Variants in ROR1 observed in about 807,000 individuals in gnomAD.
ROR1 encodes the protein ROR family WNT receptor 1, also known as inactive tyrosine-protein kinase transmembrane receptor ROR1.
Under a neutral mutation model 78.8 loss-of-function variants are expected in ROR1, and 19 were observed. The ratio of observed to expected loss-of-function variants is 0.24; its 90% confidence interval spans 0.17 to 0.35. The LOEUF is 0.35. Among genes scored for constraint, ROR1 ranks in the 10% least tolerant of loss-of-function variants. ROR1 has a pLI of 1.00. For synonymous variants in ROR1, 386 were observed against 433.6 expected, an observed-to-expected ratio of 0.89 and a Z score of 1.36; for missense variants, 917 against 1,177.8, an observed-to-expected ratio of 0.78 and a Z score of 3.24.
intron 2 of ROR1, among the ~76,000 whole-genome samples, chr1:64,017,097 G>A (rs1646527324): frequency 6.6e-6 from 1 of 151,956 alleles, no homozygotes; most frequent in South Asian, 2.1e-4. Context: ...TTTAGAGACG[G>A]GGTCTCACCA....
At chr1:63,934,819 T>C (rs1303607546) in intron 1 of ROR1, among the ~76,000 whole-genome samples, 4 of 152,162 alleles carry the variant, frequency 2.6e-5, no homozygotes, top group African/African-American at 4.8e-5. Flanking sequence ...TGGGGTCAAA[T>C]TGGCCTTTCA....
chr1:64,143,162 T>C, intron 7 of ROR1: 1 of 989,704 alleles, frequency 1.0e-6, no homozygotes. Context: ...TATAGGTATC[T>C]AGTAAGAAAA....
chr1:63,780,590 T>G (rs1253567146), intron 1 of ROR1, among the ~76,000 whole-genome samples: 1 of 152,192 alleles, frequency 6.6e-6, no homozygotes, highest in Admixed American at 6.6e-5. Context: ...ACGATGGTCC[T>G]GCTGCAAGGT....
chr1:64,111,952 C>T (rs1473716418), intron 4 of ROR1: 1 of 152,196 alleles, frequency 6.6e-6, no homozygotes. Flanking sequence ...TTACATTCCA[C>T]AAACTAGTCA....
intron 1 of ROR1, chr1:63,775,182 C>G (rs1324690724): frequency 6.6e-6 from 1 of 152,078 alleles, no homozygotes; most frequent in African/African-American, 2.4e-5. Context: ...CACGCGCGCG[C>G]GCGCGCGTGT....
At chr1:63,918,020 A>G (rs1018361826) in intron 1 of ROR1, among the ~76,000 whole-genome samples, 11 of 152,148 alleles carry the variant, frequency 7.2e-5, no homozygotes, top group African/African-American at 2.7e-4. Context: ...TGTTGTTCCA[A>G]AGTGAGGAGT....
chr1:63,926,296 C>G lies in ROR1; in HGVS notation c.92-83009C>G, dbSNP rs1183256514. 2.7e-5 allele frequency among the ~76,000 whole-genome samples: 4 copies of G among 150,214 alleles called. No individual in the cohort carries two copies. In the East Asian group the frequency reaches 6.0e-4, roughly 23 times the overall value. On this transcript the variant is annotated intron_variant, in intron 1 of 8. Transcript: ENST00000371079. ...AATCCTTTCCCCATTGCTTGTTTTT[C>G]TCAGGTTTGTCAAAGATCAGATAGT...
chr1:64,091,475 A>G (rs1170919874), intron 4 of ROR1, among the ~76,000 whole-genome samples: 1 of 152,158 alleles, frequency 6.6e-6, no homozygotes, highest in Non-Finnish European at 1.5e-5. Context: ...GCTGATGTAG[A>G]GGAAAAAGAA....
intron 2 of ROR1, among the ~76,000 whole-genome samples, chr1:64,013,560 A>G (rs1462413711): frequency 6.6e-6 from 1 of 152,078 alleles, no homozygotes. Context: ...TTACTTAAGC[A>G]CACCTTGAAC....
intron 1 of ROR1, among the ~76,000 whole-genome samples, chr1:63,889,034 C>T (rs900928451): frequency 5.3e-5 from 8 of 152,100 alleles, no homozygotes; most frequent in Non-Finnish European, 8.8e-5. Context: ...TCTCTAAAGG[C>T]CTGACCAGGG....
intron 1 of ROR1, among the ~76,000 whole-genome samples, chr1:63,824,458 A>G (rs1409689384): frequency 6.6e-6 from 1 of 152,104 alleles, no homozygotes; most frequent in Non-Finnish European, 1.5e-5. Context: ...TTTAAAAACC[A>G]TTCTTAAGTT....
Position 64,142,543 on chromosome 1 carries a change from A to G in ROR1, c.1067A>G (p.Asn356Ser), listed in dbSNP as rs1649352167. The G allele has an allele frequency of 1.2e-6, 2 of 1,614,166 alleles. No homozygotes were observed. Among genetic ancestry groups the G allele is most frequent in the Non-Finnish European group, 1.7e-6 (2 of 1,180,028 alleles). The change falls in exon 7 of 9, where the codon AAT becomes AGT. Residue 356 changes from asparagine to serine, a missense_variant. Asn to Ser is a conservative substitution (Grantham distance 46). Around this residue, in one of 3 missense-constraint regions of ROR1, gnomAD observed 835 missense variants for 1,069.8 expected, o/e 0.78. Transcript: ENST00000371079. ...TFTALRFPEL[N>S]GGHSYCRNPG... is the part of the protein sequence containing the mutation. ...ACCGCCCTTCGTTTCCCAGAGCTGAATGGAGGCCATTCCTACTGCCGCAAC... is the reference window on the plus strand; with the variant it reads ...ACCGCCCTTCGTTTCCCAGAGCTGAGTGGAGGCCATTCCTACTGCCGCAAC...
At chr1:64,059,778 T>G (rs556016953) in intron 4 of ROR1, among the ~76,000 whole-genome samples, 1 of 151,086 alleles carries the variant, frequency 6.6e-6, no homozygotes, top group South Asian at 2.1e-4. Context: ...TGGACAGAAA[T>G]TTCCTTAAAC....
chr1:64,092,834 A>G (rs930305674), intron 4 of ROR1, among the ~76,000 whole-genome samples: 4 of 152,158 alleles, frequency 2.6e-5, no homozygotes, highest in African/African-American at 7.2e-5. Flanking sequence ...TCAAGAGAAT[A>G]ATCTGCTTTT....
At chr1:64,077,618 C>T (rs1017561704) in intron 4 of ROR1, among the ~76,000 whole-genome samples, 2 of 152,236 alleles carry the variant, frequency 1.3e-5, no homozygotes, top group African/African-American at 2.4e-5. Flanking sequence ...AACCCTGGCC[C>T]ACAAAGGACA....
At chr1:64,099,366 T>C (rs557414185) in intron 4 of ROR1, among the ~76,000 whole-genome samples, 2 of 152,218 alleles carry the variant, frequency 1.3e-5, no homozygotes, top group East Asian at 3.9e-4. Flanking sequence ...GCCTGGTCCA[T>C]AGGAAGCCCT....
intron 1 of ROR1, among the ~76,000 whole-genome samples, chr1:63,969,645 T>C (rs762566472): frequency 6.6e-6 from 1 of 152,000 alleles, no homozygotes; most frequent in Non-Finnish European, 1.5e-5. Context: ...GAGCCAGAAA[T>C]CTCCGCTCTT....
chr1:64,028,179 C>CT (rs1340161696), intron 2 of ROR1, among the ~76,000 whole-genome samples: 1 of 152,160 alleles, frequency 6.6e-6, no homozygotes, highest in Non-Finnish European at 1.5e-5. Flanking sequence ...TTTCTCTGAA[C>CT]TTTAAGGTCA....
At chr1:63,916,322 A>T (rs984454421) in intron 1 of ROR1, among the ~76,000 whole-genome samples, 4 of 152,180 alleles carry the variant, frequency 2.6e-5, no homozygotes, top group African/African-American at 9.7e-5. Flanking sequence ...CAAGGTGGAA[A>T]ACCAAGTGGC....
Sources: gnomAD v4.1 joint callset for allele counts (sites outside exome capture counted in the v4.1 genomes callset) on GRCh38, gnomAD v4.1.1 for gene constraint, gnomAD v4.1.1 regional missense constraint, MANE v1.5 for transcripts, NCBI Gene and HGNC (gene_info 2026-07-23, HGNC 2026-07-21) for gene names.